The following ITGB3BP variants were observed in gnomAD, a reference collection of about 807,000 sequenced individuals.
The protein encoded by ITGB3BP is integrin subunit beta 3 binding protein.
Under a neutral mutation model 29.1 loss-of-function variants are expected in ITGB3BP, and 27 were observed. That is an observed-to-expected ratio of 0.93 (90% CI 0.68 to 1.28). The LOEUF is 1.28. Among genes scored for constraint, ITGB3BP ranks in the 50% most tolerant of loss-of-function variants. ITGB3BP has a pLI of 0.00. For missense variants in ITGB3BP, 192 were observed against 200.2 expected (o/e 0.96, Z 0.25); for synonymous variants, 61 against 61.4 (o/e 0.99, Z 0.03).
chr1:63,473,136 G>C (rs559920596), intron 4 of ITGB3BP, among the ~76,000 whole-genome samples: 1 of 151,572 alleles, frequency 6.6e-6, no homozygotes, highest in Non-Finnish European at 1.5e-5. Flanking sequence ...CGCCCTGTCT[G>C]GGATGTGAGG....
At chr1:63,484,282 C>T (rs1415967790) in intron 3 of ITGB3BP, among the ~76,000 whole-genome samples, 1 of 151,806 alleles carries the variant, frequency 6.6e-6, no homozygotes, top group Non-Finnish European at 1.5e-5. Flanking sequence ...TATGCAAATA[C>T]TATACTATTT....
intron 1 of ITGB3BP, among the ~76,000 whole-genome samples, chr1:63,516,834 A>G (rs905526039): frequency 2.6e-5 from 4 of 152,056 alleles, no homozygotes; most frequent in African/African-American, 7.3e-5. Context: ...AGACACTGAG[A>G]CTTCAAAAGG....
intron 1 of ITGB3BP, chr1:63,510,098 G>T (rs1007481069): frequency 1.6e-6 from 1 of 632,404 alleles, no homozygotes; most frequent in South Asian, 1.7e-5. Flanking sequence ...GCTGAGGCAG[G>T]AGAATCGCTT....
At chr1:63,517,722 TTTG>T (rs967168008) in intron 1 of ITGB3BP, among the ~76,000 whole-genome samples, 7 of 152,158 alleles carry the variant, frequency 4.6e-5, no homozygotes, top group African/African-American at 1.4e-4. Context: ...TTTTTCCTTT[TTTG>T]TTGTTGTTGT....
intron 4 of ITGB3BP, among the ~76,000 whole-genome samples, chr1:63,471,809 G>C (rs1025125076): frequency 1.3e-5 from 2 of 151,570 alleles, no homozygotes; most frequent in African/African-American, 2.4e-5. Flanking sequence ...TTTTGAGATG[G>C]AGTCTCACTC....
chr1:63,457,926 CGTAGA>C (rs1439077462), intron 4 of ITGB3BP: 2 of 152,002 alleles, frequency 1.3e-5, no homozygotes, highest in African/African-American at 4.8e-5. Flanking sequence ...TCTTTTTCAT[CGTAGA>C]GTAAAAACCC....
intron 3 of ITGB3BP, among the ~76,000 whole-genome samples, chr1:63,479,340 C>T (rs955431377): frequency 2.0e-5 from 3 of 152,090 alleles, no homozygotes; most frequent in East Asian, 1.9e-4. Context: ...TATTTTTAAA[C>T]TGACACAATA....
upstream of ITGB3BP, among the ~76,000 whole-genome samples, chr1:63,526,838 C>T (rs1646599466): frequency 6.6e-6 from 1 of 151,716 alleles, no homozygotes; most frequent in Non-Finnish European, 1.5e-5. Context: ...GATCTTGATT[C>T]ACTGCAGCCT....
chr1:63,498,065 TG>T (rs1269147109), intron 2 of ITGB3BP, among the ~76,000 whole-genome samples: 2 of 152,000 alleles, frequency 1.3e-5, no homozygotes, highest in East Asian at 3.8e-4. Flanking sequence ...AAACAAAAAC[TG>T]GCAGAATTGG....
intron 4 of ITGB3BP, among the ~76,000 whole-genome samples, chr1:63,467,847 T>C (rs112660180): frequency 2.8e-3 from 426 of 152,318 alleles, no homozygotes; most frequent in African/African-American, 9.8e-3. Context: ...AGTGCTGAGA[T>C]TGAGAAACCC....
At chr1:63,485,059 G>A (rs182528254) in intron 3 of ITGB3BP, among the ~76,000 whole-genome samples, 2 of 151,794 alleles carry the variant, frequency 1.3e-5, no homozygotes, top group East Asian at 1.9e-4. Flanking sequence ...GCTAGTATTT[G>A]CTTTGTTTTC....
upstream of ITGB3BP, chr1:63,525,530 G>A (rs975865201): frequency 5.8e-6 from 8 of 1,386,316 alleles, no homozygotes; most frequent in African/African-American, 1.5e-5. Context: ...GTGTTTTAGT[G>A]ACTCACATTG....
intron 4 of ITGB3BP, among the ~76,000 whole-genome samples, chr1:63,475,508 T>C (rs536074541): frequency 2.0e-5 from 3 of 152,204 alleles, no homozygotes; most frequent in Non-Finnish European, 4.4e-5. Context: ...TGGGCTATGA[T>C]TGTGCCACTG....
At chr1:63,520,761 A>G (rs1469902985) in intron 1 of ITGB3BP, among the ~76,000 whole-genome samples, 1 of 152,150 alleles carries the variant, frequency 6.6e-6, no homozygotes, top group Non-Finnish European at 1.5e-5. Context: ...ACATGCATCT[A>G]TTTGCTTCCC....
In ITGB3BP at chr1:63,454,039, C is replaced by A. The variant is rs1327639814; in HGVS notation, c.428-65G>T. 3.6e-6 allele frequency: 3 copies of A among 842,908 alleles called. No individual in the cohort carries two copies. Among genetic ancestry groups the A allele is most frequent in the Non-Finnish European group, 5.8e-6 (3 of 517,504 alleles). 52.2% of individuals were successfully genotyped at this position (842,908 alleles called of 1,614,324 possible). On this transcript the variant is annotated intron_variant, in intron 6 of 8. Transcript: ENST00000271002. The surrounding 1 kb of genome is among the most constrained non-coding windows in gnomAD (Gnocchi z 4.1). ...AATATGGATAATTTCTCAATACTTG[C>A]AACAAACAACTTCATGAGAAAAAAA... is the stretch of plus-strand genomic sequence containing the variant.
chr1:63,491,987 C>T (rs1265451156), intron 2 of ITGB3BP, among the ~76,000 whole-genome samples: 1 of 152,080 alleles, frequency 6.6e-6, no homozygotes, highest in Non-Finnish European at 1.5e-5. Context: ...ATTTATTGCC[C>T]AGAACTACTT....
At chr1:63,509,867 T>C (rs1646159566) in intron 1 of ITGB3BP, among the ~76,000 whole-genome samples, 1 of 152,196 alleles carries the variant, frequency 6.6e-6, no homozygotes. Context: ...TATTTGGGTA[T>C]GTAAGATGTT....
intron 4 of ITGB3BP, chr1:63,457,037 C>A (rs1038296905): frequency 6.6e-6 from 1 of 152,142 alleles, no homozygotes; most frequent in Admixed American, 6.5e-5. Flanking sequence ...ATTGCAGGAT[C>A]AAGTAGTAGG....
intron 7 of ITGB3BP, 131 bp downstream of exon 7, chr1:63,453,787 A>G (rs2100501518): frequency 1.6e-6 from 1 of 615,870 alleles, no homozygotes. Flanking sequence ...ATCTTCTAAA[A>G]GAACATACTT....
Sources: allele counts gnomAD v4.1 joint callset (sites outside exome capture counted in the v4.1 genomes callset), GRCh38; gene constraint gnomAD v4.1.1; non-coding constraint Gnocchi (gnomAD v3.1); transcripts MANE v1.5; gene names NCBI Gene and HGNC (gene_info 2026-07-23, HGNC 2026-07-21).